CDH18: variants seen among roughly 807,000 people sequenced by gnomAD.
CDH18 encodes cadherin-18.
CDH18 carries 31 observed loss-of-function variants against 67.9 expected under a neutral mutation model. The observed-to-expected ratio is 0.46, with a 90% CI of 0.34 to 0.62. CDH18 has a LOEUF of 0.62. Ranked by LOEUF, CDH18 falls within the 20% of genes least tolerant of loss-of-function variation. CDH18 has a pLI of 0.01. For synonymous variants in CDH18, 362 were observed against 347.2 expected (o/e 1.04, Z -0.48); for missense variants, 890 against 975.5 (o/e 0.91, Z 1.17).
At chr5:19,650,734 T>C (rs991456983) in intron 5 of CDH18, among the ~76,000 whole-genome samples, 2 of 152,004 alleles carry the variant, frequency 1.3e-5, no homozygotes, top group African/African-American at 4.8e-5. Flanking sequence ...TAGGGGAAAA[T>C]TAAACGTATT....
At chr5:19,938,794 A>T (rs757098701) in intron 2 of CDH18, among the ~76,000 whole-genome samples, 11 of 151,560 alleles carry the variant, frequency 7.3e-5, no homozygotes, top group Non-Finnish European at 1.5e-4. Context: ...CATTTAAAAA[A>T]ATCACTAGTA....
At chr5:19,932,271 G>A (rs1793779419) in intron 2 of CDH18, among the ~76,000 whole-genome samples, 1 of 151,634 alleles carries the variant, frequency 6.6e-6, no homozygotes, top group African/African-American at 2.4e-5. Context: ...TATCAACATG[G>A]GAAAGGATGT....
intron 3 of CDH18, among the ~76,000 whole-genome samples, chr5:19,764,877 A>G (rs1772870517): frequency 6.6e-6 from 1 of 152,154 alleles, no homozygotes; most frequent in Non-Finnish European, 1.5e-5. Context: ...TCTGCATTGC[A>G]TAAGAATTTG....
chr5:19,499,791 T>G (rs757517212), intron 11 of CDH18, among the ~76,000 whole-genome samples: 2 of 152,226 alleles, frequency 1.3e-5, no homozygotes, highest in Non-Finnish European at 2.9e-5. Context: ...AACAACAACA[T>G]GCATCTCTTT....
At chr5:20,347,240 A>T (rs780108927) in intron 1 of CDH18, among the ~76,000 whole-genome samples, 50 of 152,146 alleles carry the variant, frequency 3.3e-4, no homozygotes, top group Non-Finnish European at 2.4e-4. Context: ...CCTAGAGGTC[A>T]TCAAATTTTA....
At chr5:20,129,745 C>G (rs1206660497) in intron 2 of CDH18, among the ~76,000 whole-genome samples, 2 of 152,018 alleles carry the variant, frequency 1.3e-5, no homozygotes, top group Non-Finnish European at 2.9e-5. Flanking sequence ...AGCAAACAAG[C>G]AATCACCAAA....
intron 3 of CDH18, among the ~76,000 whole-genome samples, chr5:19,815,757 C>G (rs1779221450): frequency 6.6e-6 from 1 of 151,944 alleles, no homozygotes; most frequent in Non-Finnish European, 1.5e-5. Flanking sequence ...CTGTTTTGAG[C>G]ATCGCTCCTT....
At chr5:19,925,827 A>G (rs1037439962) in intron 2 of CDH18, among the ~76,000 whole-genome samples, 1 of 152,116 alleles carries the variant, frequency 6.6e-6, no homozygotes, top group African/African-American at 2.4e-5. Context: ...AAATTACTAC[A>G]GTAGTATGGT....
At chr5:20,500,696 T>C (rs931011754) in intron 1 of CDH18, among the ~76,000 whole-genome samples, 1 of 152,298 alleles carries the variant, frequency 6.6e-6, no homozygotes, top group Non-Finnish European at 1.5e-5. Flanking sequence ...CTGACTGTAC[T>C]GAAACAATGT....
At chr5:20,566,843 C>T (rs555780037) in intron 1 of CDH18, among the ~76,000 whole-genome samples, 64 of 152,258 alleles carry the variant, frequency 4.2e-4, no homozygotes, top group African/African-American at 1.5e-3. Flanking sequence ...CTTGGTTACA[C>T]GATCTTTGCT....
chr5:20,479,350 G>T (rs1285585414), intron 1 of CDH18, among the ~76,000 whole-genome samples: 2 of 152,088 alleles, frequency 1.3e-5, no homozygotes, highest in East Asian at 3.9e-4. Context: ...GCTGTTTTGA[G>T]AAAGCTTGAT....
Position 20,432,590 on chromosome 5 carries a change from G to A in CDH18, c.-580+142872C>T, listed in dbSNP as rs545340219. Among the ~76,000 whole-genome samples, 32 of 152,168 alleles carry A rather than the reference G, an allele frequency of 2.1e-4. No individual in the cohort carries two copies. In the South Asian group the frequency reaches 2.7e-3, roughly 13 times the overall value. On this transcript the variant is annotated intron_variant, in intron 1 of 14. Coordinates refer to the CDH18 transcript ENST00000507958. ...GGAAGGACAAGGTATTGGCCGGGCT[G>A]ATTTCACTCTGAGGCCTCTCTCCTG...
At chr5:19,488,538 T>C (rs1240692156) in intron 11 of CDH18, among the ~76,000 whole-genome samples, 1 of 152,128 alleles carries the variant, frequency 6.6e-6, no homozygotes, top group African/African-American at 2.4e-5. Flanking sequence ...TCAATAGGCA[T>C]GGTTTCATAT....
chr5:19,867,295 C>A (rs1785660457), intron 2 of CDH18, among the ~76,000 whole-genome samples: 1 of 152,016 alleles, frequency 6.6e-6, no homozygotes, highest in South Asian at 2.1e-4. Context: ...TAAATCTTAC[C>A]TTCATAATCT....
At chr5:19,520,987 G>A (rs1390341765) in intron 9 of CDH18, among the ~76,000 whole-genome samples, 2 of 152,116 alleles carry the variant, frequency 1.3e-5, no homozygotes, top group Non-Finnish European at 2.9e-5. Flanking sequence ...TGACATGAAT[G>A]CCAAAATGAT....
intron 7 of CDH18, among the ~76,000 whole-genome samples, chr5:19,589,137 A>T (rs998815334): frequency 6.6e-6 from 1 of 152,082 alleles, no homozygotes; most frequent in African/African-American, 2.4e-5. Context: ...CATGACACTT[A>T]CTCTAAAGTT....
chr5:20,570,458 C>T (rs1387409733), intron 1 of CDH18, among the ~76,000 whole-genome samples: 1 of 152,150 alleles, frequency 6.6e-6, no homozygotes, highest in Non-Finnish European at 1.5e-5. Flanking sequence ...GATCTTCTCT[C>T]ATTTTATTTC....
intron 3 of CDH18, among the ~76,000 whole-genome samples, chr5:19,812,561 A>C (rs762640764): frequency 3.2e-4 from 48 of 152,330 alleles, no homozygotes; most frequent in Non-Finnish European, 5.6e-4. Flanking sequence ...AAACAGATAG[A>C]AACTCCAGTA....
intron 1 of CDH18, among the ~76,000 whole-genome samples, chr5:20,543,043 G>T (rs1757140536): frequency 6.6e-6 from 1 of 151,820 alleles, no homozygotes; most frequent in African/African-American, 2.4e-5. Context: ...AATCAAGATT[G>T]TTTTGCTGGC....
Sources: gnomAD v4.1 joint callset for allele counts (sites outside exome capture counted in the v4.1 genomes callset) on GRCh38, gnomAD v4.1.1 for gene constraint, MANE v1.5 for transcripts, NCBI Gene and HGNC (gene_info 2026-07-23, HGNC 2026-07-21) for gene names.